The following WDR17 variants were observed in gnomAD, a reference collection of about 807,000 sequenced individuals.
WDR17 encodes the protein WD repeat domain 17, also known as WD repeat-containing protein 17.
A neutral mutation model predicts 161.7 loss-of-function variants in WDR17; 143 were observed. The observed-to-expected ratio is 0.88, with a 90% CI of 0.77 to 1.02. The LOEUF (loss-of-function observed/expected upper bound fraction) is 1.02, where lower values mean the gene tolerates loss of function less well. WDR17 is among the 50% of genes least tolerant of loss of function. The pLI is 0.00. For synonymous variants in WDR17, 517 were observed against 515.6 expected, an observed-to-expected ratio of 1.00 and a Z score of -0.04; for missense variants, 1,469 against 1,520.9, an observed-to-expected ratio of 0.97 and a Z score of 0.57.
intron 12 of WDR17, 29 bp from the exon 13 acceptor site, chr4:176,148,104 T>G (rs771181142): frequency 6.3e-7 from 1 of 1,594,954 alleles, no homozygotes; most frequent in East Asian, 2.2e-5. Flanking sequence ...AACTTGAATG[T>G]TATCACACCC....
intron 2 of WDR17, among the ~76,000 whole-genome samples, chr4:176,114,279 A>G (rs1579085000): frequency 6.6e-6 from 1 of 152,082 alleles, no homozygotes; most frequent in Non-Finnish European, 1.5e-5. Flanking sequence ...TAAAATTGCT[A>G]TTGCTGCAGT....
chr4:176,092,067 G>A (rs896722245), intron 1 of WDR17, among the ~76,000 whole-genome samples: 2 of 152,158 alleles, frequency 1.3e-5, no homozygotes, highest in African/African-American at 4.8e-5. Context: ...ATAAAATAGA[G>A]GAGGAAAGAA....
chr4:176,108,601 C>T (rs1401832299), intron 1 of WDR17, among the ~76,000 whole-genome samples: 1 of 151,644 alleles, frequency 6.6e-6, no homozygotes, highest in African/African-American at 2.4e-5. Context: ...CACATAGGCT[C>T]ATCAGTTTTA....
At chr4:176,121,395 A>G (rs1280711083) in intron 4 of WDR17, among the ~76,000 whole-genome samples, 1 of 152,106 alleles carries the variant, frequency 6.6e-6, no homozygotes, top group African/African-American at 2.4e-5. Flanking sequence ...AATGCAATCT[A>G]TAATAAATAT....
chr4:176,142,173 T>G (rs1223833368), intron 11 of WDR17, 104 bp downstream of exon 11: 1 of 782,522 alleles, frequency 1.3e-6, no homozygotes, highest in African/African-American at 1.7e-5. Context: ...ATCACTCTAT[T>G]TATACAATAT....
chr4:176,152,583 G>T (rs1747361235), intron 17 of WDR17, among the ~76,000 whole-genome samples: 1 of 103,632 alleles, frequency 9.6e-6, no homozygotes, highest in Non-Finnish European at 1.9e-5. Context: ...TCCAGCCTGG[G>T]TAACTCCATC....
chr4:176,107,814 T>G (rs1738998590), intron 1 of WDR17, among the ~76,000 whole-genome samples: 2 of 151,914 alleles, frequency 1.3e-5, no homozygotes, highest in Non-Finnish European at 2.9e-5. Context: ...ATTGATAGTG[T>G]TTTTCCCTTC....
rs147734774 is a variant in WDR17, at chr4:176,115,879, A to G, written c.207A>G (p.Pro69=). ...KKTITAISWC[P]HNPDLFASGS... ...CAATCACAGCAATTTCTTGGTGTCC[A>G]CATAATCCTGATCTGTTTGCAAGTG... Residue 69 remains proline, a synonymous_variant, in exon 3 of 29, where the codon CCA becomes CCG. Transcript: ENST00000508596. 386 of 1,611,858 alleles carry G rather than the reference A, an allele frequency of 2.4e-4. 2 individuals carry two copies. Among genetic ancestry groups the G allele is most frequent in the South Asian group, 1.4e-3 (123 of 90,862 alleles).
chr4:176,094,087 G>C (rs190813264), intron 1 of WDR17, among the ~76,000 whole-genome samples: 1 of 151,974 alleles, frequency 6.6e-6, no homozygotes, highest in South Asian at 2.1e-4. Flanking sequence ...ACTAATTCAA[G>C]TTTTATTTTA....
At chr4:176,121,723 T>C (rs942438295) in intron 4 of WDR17, among the ~76,000 whole-genome samples, 2 of 152,240 alleles carry the variant, frequency 1.3e-5, no homozygotes, top group African/African-American at 4.8e-5. Context: ...ATTGAGACTT[T>C]TTATTGTGTA....
chr4:176,097,047 G>T (rs1294530732), intron 1 of WDR17, among the ~76,000 whole-genome samples: 1 of 151,776 alleles, frequency 6.6e-6, no homozygotes, highest in South Asian at 2.1e-4. Context: ...ATTTTTAGGC[G>T]GTTAATTAAT....
At chr4:176,138,585 A>G (rs1744766957) in intron 9 of WDR17, among the ~76,000 whole-genome samples, 1 of 151,818 alleles carries the variant, frequency 6.6e-6, no homozygotes, top group Non-Finnish European at 1.5e-5. Context: ...CCAAAACAAC[A>G]ATTTATTCCA....
chr4:176,071,330 C>G (rs1303952562), intron 1 of WDR17, among the ~76,000 whole-genome samples: 1 of 143,578 alleles, frequency 7.0e-6, no homozygotes, highest in African/African-American at 2.5e-5. Flanking sequence ...TTTCTTTTCT[C>G]TTTTTTTTTT....
intron 1 of WDR17, chr4:176,096,413 G>A: frequency 1.3e-6 from 1 of 782,650 alleles, no homozygotes; most frequent in South Asian, 2.0e-5. Context: ...ATTTCACAAG[G>A]GAGATTTTGG....
At chr4:176,179,342 A>C (rs1751901811) in intron 28 of WDR17, 118 bp from the exon 29 acceptor site, 2 of 1,160,548 alleles carry the variant, frequency 1.7e-6, no homozygotes, top group African/African-American at 3.2e-5. Flanking sequence ...TCATTTTTTT[A>C]TTAGCTTTGC....
intron 11 of WDR17, among the ~76,000 whole-genome samples, chr4:176,143,492 C>T (rs994072011): frequency 1.0e-4 from 14 of 137,826 alleles, no homozygotes; most frequent in African/African-American, 2.5e-4. Flanking sequence ...AGTGAGACTT[C>T]GTCTCTTAAA....
chr4:176,156,133 T>C lies in WDR17; in HGVS notation c.2515T>C (p.Leu839=). 2 of 1,613,528 alleles carry C rather than the reference T, an allele frequency of 1.2e-6. No individual in the cohort carries two copies. The highest frequency in any genetic ancestry group is 2.2e-5 in the East Asian group (1 of 44,802). Residue 839 remains leucine, a synonymous_variant, in exon 18 of 29, where the codon TTA becomes CTA. Transcript: ENST00000508596. ...PGVSVKYWKK[L]MQRRADQLIQ... The stretch of plus-strand genomic sequence containing the variant: ...AGTCTCTGTGAAATACTGGAAGAAG[T>C]TAATGCAGAGGTAAGGCAGAGAGAG...
At chr4:176,080,797 T>G (rs1734647142) in intron 1 of WDR17, among the ~76,000 whole-genome samples, 1 of 152,110 alleles carries the variant, frequency 6.6e-6, no homozygotes, top group Non-Finnish European at 1.5e-5. Context: ...TCTCTTTGCT[T>G]GGTTGTCTTT....
Position 176,146,111 on chromosome 4 carries a change from A to T in WDR17, c.1646A>T (p.Lys549Ile), listed in dbSNP as rs1746119629. ...CATACAGCAAAAGTGTTTCATGTTA[A>T]ATGGTCTCCTCTGAGAGAGGGAATT... ...SGHTAKVFHV[K>I]WSPLREGILC... is the part of the protein sequence containing the mutation. The change falls in exon 12 of 29, where the codon AAA becomes ATA. Residue 549 changes from lysine (K) to isoleucine (I), a missense_variant. Coordinates refer to ENST00000508596, the MANE Select transcript of WDR17 (RefSeq NM_181265.4). 1 of 1,613,924 alleles carries T rather than the reference A, an allele frequency of 6.2e-7. No homozygotes were observed. Among genetic ancestry groups the T allele is most frequent in the African/African-American group, 1.3e-5 (1 of 74,940 alleles).
Sources: gnomAD v4.1 joint callset for allele counts (sites outside exome capture counted in the v4.1 genomes callset) on GRCh38, gnomAD v4.1.1 for gene constraint, MANE v1.5 for transcripts, NCBI Gene and HGNC (gene_info 2026-07-23, HGNC 2026-07-21) for gene names.